The following FARS2 variants were observed in gnomAD, a reference collection of about 807,000 sequenced individuals.
FARS2 encodes phenylalanine--tRNA ligase, mitochondrial.
In FARS2, 40 loss-of-function variants were observed where a neutral mutation model predicts 46.4. That is an observed-to-expected ratio of 0.86 (90% CI 0.67 to 1.12). The LOEUF is 1.12. Ranked by LOEUF, FARS2 falls within the 50% of genes most tolerant of loss-of-function variation. The pLI is 0.00. For missense variants in FARS2, 513 were observed against 567.9 expected (o/e 0.90, Z 0.98); for synonymous variants, 234 against 214.9 (o/e 1.09, Z -0.78).
At chr6:5,405,877 A>C (rs1021337740) in intron 3 of FARS2, among the ~76,000 whole-genome samples, 2 of 152,210 alleles carry the variant, frequency 1.3e-5, no homozygotes, top group African/African-American at 4.8e-5. Context: ...CAACAGGAGT[A>C]TATTAACAGT....
intron 6 of FARS2, among the ~76,000 whole-genome samples, chr6:5,728,710 T>C (rs1395461409): frequency 6.6e-6 from 1 of 152,194 alleles, no homozygotes; most frequent in Non-Finnish European, 1.5e-5. Context: ...AGGCTGGGTT[T>C]AGAGTACTAG....
At chr6:5,653,076 T>C (rs1777446652) in intron 6 of FARS2, among the ~76,000 whole-genome samples, 1 of 152,234 alleles carries the variant, frequency 6.6e-6, no homozygotes, top group South Asian at 2.1e-4. Flanking sequence ...TCTTCTTACG[T>C]CAAAGATAGG....
intron 4 of FARS2, among the ~76,000 whole-genome samples, chr6:5,495,612 T>G (rs963266567): frequency 2.0e-5 from 3 of 152,354 alleles, no homozygotes; most frequent in South Asian, 2.1e-4. Context: ...ATCAGCCCTT[T>G]AAGCCTTCGG....
chr6:5,313,674 C>A (rs1002277429), intron 1 of FARS2, among the ~76,000 whole-genome samples: 9 of 151,860 alleles, frequency 5.9e-5, no homozygotes, highest in African/African-American at 2.2e-4. Flanking sequence ...CTAGGTGGAG[C>A]CTTAGATGTA....
chr6:5,494,255 T>C (rs1392810877), intron 4 of FARS2, among the ~76,000 whole-genome samples: 1 of 152,142 alleles, frequency 6.6e-6, no homozygotes, highest in East Asian at 1.9e-4. Flanking sequence ...TAAAATTCTA[T>C]GTTTTAGAAC....
At chr6:5,373,202 A>C (rs943562214) in intron 2 of FARS2, among the ~76,000 whole-genome samples, 2 of 152,056 alleles carry the variant, frequency 1.3e-5, no homozygotes, top group African/African-American at 4.8e-5. Context: ...TCCACAATCA[A>C]ATTTACGGGA....
At chr6:5,265,651 G>A (rs730595) in intron 1 of FARS2, among the ~76,000 whole-genome samples, 118,517 of 152,204 alleles carry the variant, frequency 0.78, 46,387 homozygotes, top group African/African-American at 0.85. Context: ...ACTTGAGGGC[G>A]ATATATAAAT....
chr6:5,298,683 T>A (rs1404458752), intron 1 of FARS2, among the ~76,000 whole-genome samples: 1 of 152,108 alleles, frequency 6.6e-6, no homozygotes, highest in Non-Finnish European at 1.5e-5. Flanking sequence ...CTGAGGTGAT[T>A]CTAATGTGCC....
chr6:5,646,032 G>C (rs1199146562), intron 6 of FARS2, among the ~76,000 whole-genome samples: 2 of 152,148 alleles, frequency 1.3e-5, no homozygotes, highest in Non-Finnish European at 2.9e-5. Context: ...GCATTTTTCT[G>C]TGTAAGTCTC....
chr6:5,738,704 G>A lies in FARS2; in HGVS notation c.1218-32587G>A, dbSNP rs1212244763. On this transcript the variant is annotated intron_variant, in intron 6 of 6. Coordinates refer to ENST00000274680, the MANE Select transcript of FARS2 (RefSeq NM_006567.5). ...GGTAACAGCAAGAAGAGTTGGTTAC[G>A]AGTCACGAAGCTAGTCAGATTTCTT... 2.0e-5 allele frequency among the ~76,000 whole-genome samples: 3 copies of A among 151,810 alleles called. No individual in the cohort carries two copies. In the East Asian group the frequency reaches 5.8e-4, roughly 29 times the overall value.
At chr6:5,304,096 C>T (rs1172866960) in intron 1 of FARS2, among the ~76,000 whole-genome samples, 1 of 152,084 alleles carries the variant, frequency 6.6e-6, no homozygotes, top group East Asian at 1.9e-4. Flanking sequence ...AAAAGATTAT[C>T]TTTTAATTAT....
rs1554106819 is a variant in FARS2, at chr6:5,539,384, GTA to G, written c.905-5782_905-5781del. 7.4e-3 allele frequency among the ~76,000 whole-genome samples: 591 copies of G among 79,558 alleles called. 29 individuals carry two copies. The highest frequency in any genetic ancestry group is 0.028 in the South Asian group (80 of 2,878). 52.2% of individuals were successfully genotyped at this position (79,558 alleles called of 152,430 possible). ...ACCATGCCCACCTAATTTTTTTTGTGTATATATATATATATGTATATATTTTT... is the reference window on the plus strand; with the variant it reads ...ACCATGCCCACCTAATTTTTTTTGTGTATATATATATATGTATATATTTTT... On this transcript the variant is annotated intron_variant, in intron 4 of 6. Transcript: ENST00000274680.
chr6:5,737,523 C>T (rs954156869), intron 6 of FARS2, among the ~76,000 whole-genome samples: 1 of 152,168 alleles, frequency 6.6e-6, no homozygotes, highest in Admixed American at 6.5e-5. Context: ...AGAGCAAGAC[C>T]CTGTCTGAAA....
chr6:5,646,468 A>G (rs971174400), intron 6 of FARS2, among the ~76,000 whole-genome samples: 4 of 152,114 alleles, frequency 2.6e-5, no homozygotes, highest in Non-Finnish European at 4.4e-5. Context: ...TCTGTGGTCT[A>G]TGCGTGATGG....
intron 4 of FARS2, among the ~76,000 whole-genome samples, chr6:5,494,464 C>T (rs961557999): frequency 3.3e-5 from 5 of 152,164 alleles, no homozygotes; most frequent in African/African-American, 1.2e-4. Flanking sequence ...TTTAGGTGTC[C>T]TTGATAGGTT....
intron 6 of FARS2, among the ~76,000 whole-genome samples, chr6:5,758,000 G>T (rs1762295401): frequency 6.6e-6 from 1 of 152,210 alleles, no homozygotes; most frequent in Admixed American, 6.5e-5. Flanking sequence ...CCATCAGTTT[G>T]TTATGTTAGC....
chr6:5,491,634 C>T (rs1303898231), intron 4 of FARS2, among the ~76,000 whole-genome samples: 4 of 152,168 alleles, frequency 2.6e-5, no homozygotes, highest in African/African-American at 9.7e-5. Flanking sequence ...AAGATATGAG[C>T]GTTTCTTCTT....
At chr6:5,336,432 T>A (rs2127585293) in intron 1 of FARS2, among the ~76,000 whole-genome samples, 1 of 152,178 alleles carries the variant, frequency 6.6e-6, no homozygotes, top group East Asian at 1.9e-4. Context: ...TCTTTACATA[T>A]GTGGATCTCA....
At chr6:5,660,917 A>G (rs1184875287) in intron 6 of FARS2, among the ~76,000 whole-genome samples, 1 of 152,236 alleles carries the variant, frequency 6.6e-6, no homozygotes, top group Non-Finnish European at 1.5e-5. Flanking sequence ...CAAGAGCAAT[A>G]GAAGCCCCTG....
Sources: allele counts gnomAD v4.1 joint callset (sites outside exome capture counted in the v4.1 genomes callset), GRCh38; gene constraint gnomAD v4.1.1; transcripts MANE v1.5; gene names NCBI Gene and HGNC (gene_info 2026-07-23, HGNC 2026-07-21).